Variants in DHX33 observed in about 807,000 individuals in gnomAD.
The protein encoded by DHX33 is DEAH-box helicase 33.
In DHX33, 42 loss-of-function variants were observed where a neutral mutation model predicts 72.5. That is an observed-to-expected ratio of 0.58 (90% confidence interval 0.45 to 0.75). DHX33 has a LOEUF of 0.75. DHX33 is among the 30% of genes least tolerant of loss of function. The probability of loss-of-function intolerance (pLI) is 0.00; values close to 1 mark genes in which losing one functional copy is unlikely to be tolerated. For missense variants in DHX33, 842 were observed against 917.5 expected, an observed-to-expected ratio of 0.92 and a Z score of 1.06; for synonymous variants, 358 against 366.1, an observed-to-expected ratio of 0.98 and a Z score of 0.25.
At chr17:5,456,480 C>G (rs1275518657) in intron 4 of DHX33, among the ~76,000 whole-genome samples, 1 of 152,158 alleles carries the variant, frequency 6.6e-6, no homozygotes. Flanking sequence ...GATCCCATCT[C>G]TACAAAACAC....
chr17:5,455,360 T>A, intron 5 of DHX33, 89 bp from the exon 6 acceptor site: 1 of 1,054,026 alleles, frequency 9.5e-7, no homozygotes, highest in Non-Finnish European at 1.5e-6. Flanking sequence ...ACTTCCACAA[T>A]TCACTCTTGA....
In DHX33 at chr17:5,462,381, G is replaced by A; in HGVS notation, c.616C>T (p.Leu206Phe). The A allele has an allele frequency of 6.2e-7, 1 of 1,614,176 alleles. No homozygotes were observed. Among genetic ancestry groups the A allele is most frequent in the Non-Finnish European group, 8.5e-7 (1 of 1,180,028 alleles). Reference protein sequence around the residue: ...AHERTIHTDVLFGVVKAAQKR... With the variant: ...AHERTIHTDVFFGVVKAAQKR... ...TGTGCAGCTTTCACCACTCCAAAGA[G>A]CACATCTGTGTGGATAGTCCGTTCG... The change falls in exon 3 of 12, where the codon CTC becomes TTC. Residue 206 changes from leucine (L) to phenylalanine (F), a missense_variant. Leu to Phe is a conservative substitution (Grantham distance 22). Coordinates refer to ENST00000225296, the MANE Select transcript of DHX33 (RefSeq NM_020162.4).
At chr17:5,464,930 C>A (rs1321997542) in intron 1 of DHX33, among the ~76,000 whole-genome samples, 1 of 152,210 alleles carries the variant, frequency 6.6e-6, no homozygotes, top group Non-Finnish European at 1.5e-5. Context: ...TGCACAGTGG[C>A]CCTCCTCTGG....
intron 3 of DHX33, among the ~76,000 whole-genome samples, chr17:5,461,803 C>A (rs1904638278): frequency 6.6e-6 from 1 of 151,324 alleles, no homozygotes; most frequent in Admixed American, 6.6e-5. Flanking sequence ...CCGGCCTCGG[C>A]CTCCCAAAGT....
At chr17:5,450,095 T>A (rs567134202) in intron 10 of DHX33, 108 bp downstream of exon 10, 2 of 1,347,160 alleles carry the variant, frequency 1.5e-6, no homozygotes, top group South Asian at 1.3e-5. Context: ...TTAGATAATT[T>A]AGCCAAAAAG....
rs1384221103 is a variant in DHX33, at chr17:5,444,143, GTAAGGACAAC to G, written c.*52_*61del. On this transcript the variant is annotated 3_prime_UTR_variant, in exon 12 of 12. Transcript: ENST00000225296. This position sits in a 1 kb window ranked among gnomAD's most constrained non-coding sequence, Gnocchi z 4.9. ...CTAAGCGCCAACCTGGAAGCCTGCTGTAAGGACAACTGTAGTCCAAGCTCCCAGGGACCAG... is the reference window on the plus strand; with the variant it reads ...CTAAGCGCCAACCTGGAAGCCTGCTGTGTAGTCCAAGCTCCCAGGGACCAG... 13 of 1,548,682 alleles carry G rather than the reference GTAAGGACAAC, an allele frequency of 8.4e-6. No homozygotes were observed. The African/African-American group carries it at 1.8e-4, about 21-fold the overall frequency.
intron 4 of DHX33, among the ~76,000 whole-genome samples, chr17:5,456,882 G>A (rs1053586174): frequency 6.6e-6 from 1 of 152,162 alleles, no homozygotes; most frequent in Non-Finnish European, 1.5e-5. Flanking sequence ...CGTCGAAAGC[G>A]CTTTCACACG....
At chr17:5,467,247 A>T (rs1904910731) in intron 1 of DHX33, among the ~76,000 whole-genome samples, 1 of 152,170 alleles carries the variant, frequency 6.6e-6, no homozygotes. Flanking sequence ...TTTTTCAAAG[A>T]TTTTTAACTG....
intron 2 of DHX33, among the ~76,000 whole-genome samples, chr17:5,463,149 G>A (rs1353601277): frequency 6.6e-6 from 1 of 152,004 alleles, no homozygotes; most frequent in African/African-American, 2.4e-5. Context: ...TAAGTGAAAT[G>A]AGTACACACA....
intron 1 of DHX33, 37 bp from the exon 2 acceptor site, chr17:5,463,726 A>C: frequency 1.3e-6 from 2 of 1,556,334 alleles, no homozygotes; most frequent in South Asian, 2.4e-5. Context: ...AGGCTCACTG[A>C]AATGCAAACT....
Position 5,444,423 on chromosome 17 carries a change from G to T in DHX33, c.1906C>A (p.Gln636Lys). 6.2e-7 allele frequency: 1 copy of T among 1,614,216 alleles called. No homozygotes were observed. The highest frequency in any genetic ancestry group is 1.7e-5 in the Admixed American group (1 of 60,032). The change falls in exon 12 of 12, where the codon CAG (glutamine) becomes AAG (lysine). Residue 636 changes from glutamine (Q) to lysine (K), a missense_variant. Physicochemically the swap from Gln to Lys is moderately conservative, Grantham distance 53. Transcript: ENST00000225296. This position sits in a 1 kb window ranked among gnomAD's most constrained non-coding sequence, Gnocchi z 4.9. ...HSLFMSTAEL[Q>K]PDGTYATTDT... ...GTGGTGGCATAGGTGCCATCTGGCT[G>T]AAGCTCGGCGGTGCTCATGAAGAGG...
At chr17:5,455,975 A>G in intron 5 of DHX33, 22 bp downstream of exon 5, 2 of 1,605,868 alleles carry the variant, frequency 1.2e-6, no homozygotes, top group African/African-American at 1.3e-5. Context: ...ATAGGGCTGG[A>G]CAGAAGAGGT....
At position 5,444,938 on chromosome 17, in the gene DHX33, G is replaced by GA. The variant is rs1291158851; in HGVS notation, c.1816-426dup. Among the ~76,000 whole-genome samples the GA allele has an allele frequency of 1.3e-5, 2 of 152,118 alleles. No individual in the cohort carries two copies. The highest frequency in any genetic ancestry group is 2.9e-5 in the Non-Finnish European group (2 of 68,024). On this transcript the variant is annotated intron_variant, in intron 11 of 11. Coordinates refer to ENST00000225296, the MANE Select transcript of DHX33 (RefSeq NM_020162.4). The surrounding 1 kb of genome is among the most constrained non-coding windows in gnomAD (Gnocchi z 4.9). ...AGCTAATCTACCTAAAGCACAACTCGAATCACTCTTCATCCACTCAAATAC... is the reference window on the plus strand; with the variant it reads ...AGCTAATCTACCTAAAGCACAACTCGAAATCACTCTTCATCCACTCAAATAC...
intron 2 of DHX33, among the ~76,000 whole-genome samples, chr17:5,463,192 G>C (rs181124495): frequency 5.3e-5 from 8 of 152,234 alleles, no homozygotes; most frequent in Admixed American, 1.3e-4. Context: ...ATACAGTTCT[G>C]AGACTCATTC....
intron 4 of DHX33, among the ~76,000 whole-genome samples, chr17:5,459,715 C>T (rs889092566): frequency 2.0e-5 from 3 of 152,160 alleles, no homozygotes; most frequent in Admixed American, 2.0e-4. Context: ...CAGGTGTGAG[C>T]TACTGTGCCC....
Position 5,444,176 on chromosome 17 carries a change from C to T in DHX33, c.*29G>A. On this transcript the variant is annotated 3_prime_UTR_variant, in exon 12 of 12. Transcript: ENST00000225296. The surrounding 1 kb of genome is among the most constrained non-coding windows in gnomAD (Gnocchi z 4.9). ...AACTGTAGTCCAAGCTCCCAGGGAC[C>T]AGTGATTCTGGCGGCATCCTGGGGC... 1 of 1,598,418 alleles carries T rather than the reference C, an allele frequency of 6.3e-7. No homozygotes were observed. The highest frequency in any genetic ancestry group is 8.5e-7 in the Non-Finnish European group (1 of 1,170,466).
In DHX33 at chr17:5,449,629, G is replaced by A. The variant is rs1212751034; in HGVS notation, c.1728+574C>T. 5.3e-5 allele frequency among the ~76,000 whole-genome samples: 8 copies of A among 152,270 alleles called. No homozygotes were observed. The East Asian group carries it at 1.5e-3, about 29-fold the overall frequency. On this transcript the variant is annotated intron_variant, in intron 10 of 11. Coordinates refer to ENST00000225296, the MANE Select transcript of DHX33 (RefSeq NM_020162.4). ...TTCTTGTATTTTTAGTAGAGACGGG[G>A]TTTTGCCATGTTGGCCAGGCTGGTC...
At position 5,461,022 on chromosome 17, in the gene DHX33, G is replaced by A. The variant is rs1174332495; in HGVS notation, c.766C>T (p.His256Tyr). The A allele has an allele frequency of 3.1e-6, 5 of 1,613,968 alleles. No homozygotes were observed. The highest frequency in any genetic ancestry group is 4.2e-6 in the Non-Finnish European group (5 of 1,180,016). The change falls in exon 4 of 12, where the codon CAT (histidine) becomes TAT (tyrosine). Residue 256 changes from histidine to tyrosine, a missense_variant. Coordinates refer to ENST00000225296, the MANE Select transcript of DHX33 (RefSeq NM_020162.4). ...APVLYLEGRQHPIQVFYTKQP... is the reference protein window; with the variant it reads ...APVLYLEGRQYPIQVFYTKQP... ...TTGGTGTAAAACACCTGGATCGGAT[G>A]CTGCCGACCCTCTAGGTAGAGGACG...
chr17:5,467,634 G>A (rs1386178598), intron 1 of DHX33, among the ~76,000 whole-genome samples: 1 of 152,156 alleles, frequency 6.6e-6, no homozygotes, highest in Non-Finnish European at 1.5e-5. Context: ...TATGCCAGCC[G>A]GGAATATGCC....
Sources: allele counts gnomAD v4.1 joint callset (sites outside exome capture counted in the v4.1 genomes callset), GRCh38; gene constraint gnomAD v4.1.1; non-coding constraint Gnocchi (gnomAD v3.1); transcripts MANE v1.5; gene names NCBI Gene and HGNC (gene_info 2026-07-23, HGNC 2026-07-21).